The following PAQR5 variants were observed in gnomAD, a reference collection of about 807,000 sequenced individuals.
PAQR5 encodes membrane progestin receptor gamma.
Under a neutral mutation model 34.5 loss-of-function variants are expected in PAQR5, and 20 were observed. That is an observed-to-expected ratio of 0.58 (90% CI 0.41 to 0.84). PAQR5 has a LOEUF of 0.84. Ranked by LOEUF, PAQR5 falls within the 40% of genes least tolerant of loss-of-function variation. The pLI is 0.00. For missense variants in PAQR5, 378 were observed against 412.7 expected (o/e 0.92, Z 0.73); for synonymous variants, 131 against 155.6 (o/e 0.84, Z 1.18).
At chr15:69,344,862 G>A (rs1375385934) in intron 2 of PAQR5, among the ~76,000 whole-genome samples, 3 of 152,282 alleles carry the variant, frequency 2.0e-5, no homozygotes, top group Admixed American at 6.5e-5. Context: ...TTGGAAGGTC[G>A]AGGCAGGTGG....
intron 6 of PAQR5, 71 bp downstream of exon 6, chr15:69,389,851 G>A (rs923246953): frequency 6.4e-6 from 10 of 1,556,954 alleles, no homozygotes; most frequent in Non-Finnish European, 8.8e-6. Flanking sequence ...ACTCTTTGAG[G>A]GAGCCGGGGA....
rs1232278173 is a variant in PAQR5 at position 69,361,484 on chromosome 15, A to G, written c.51+1353A>G. Among the ~76,000 whole-genome samples the G allele has an allele frequency of 3.3e-5, 5 of 152,214 alleles. No individual in the cohort carries two copies. The East Asian group carries it at 7.7e-4, about 23-fold the overall frequency. On this transcript the variant is annotated intron_variant, in intron 3 of 8. Transcript: ENST00000395407. ...TGTATTAGTCCATTCTCACACTGCT[A>G]TAAAGAACTGCCTGAAACCTGGTAA...
chr15:69,322,796 A>G lies in PAQR5; in HGVS notation c.-276-14545A>G, dbSNP rs61345077. ...AGGGAGAAGAAGAAGACGAGGAAGAAGAAGAAGAGGAAGAGGAAGAAGAAG... is the reference window on the plus strand; with the variant it reads ...AGGGAGAAGAAGAAGACGAGGAAGAGGAAGAAGAGGAAGAGGAAGAAGAAG... On this transcript the variant is annotated intron_variant, in intron 1 of 8. Transcript: ENST00000395407. 6.8e-3 allele frequency among the ~76,000 whole-genome samples: 928 copies of G among 135,688 alleles called. 231 individuals are homozygous for G. Among genetic ancestry groups the G allele is most frequent in the African/African-American group, 0.02 (618 of 30,990 alleles). 89.0% of individuals were successfully genotyped at this position (135,688 alleles called of 152,430 possible).
chr15:69,349,519 A>G (rs757355834), intron 2 of PAQR5, among the ~76,000 whole-genome samples: 5 of 152,174 alleles, frequency 3.3e-5, no homozygotes, highest in Non-Finnish European at 7.3e-5. Flanking sequence ...TCTGCATGTA[A>G]TGTTCCAGTG....
chr15:69,343,888 T>C (rs930526827), intron 2 of PAQR5, among the ~76,000 whole-genome samples: 2 of 152,118 alleles, frequency 1.3e-5, no homozygotes, highest in Non-Finnish European at 2.9e-5. Flanking sequence ...CAGTGGAAGA[T>C]TCAGGCTGAG....
chr15:69,393,506 CCTCTGGGTCCT>C (rs2056327962), intron 6 of PAQR5, among the ~76,000 whole-genome samples: 1 of 148,038 alleles, frequency 6.8e-6, no homozygotes, highest in Non-Finnish European at 1.5e-5. Context: ...GAGACAATAC[CCTCTGGGTCCT>C]CTCTGGTTTG....
At chr15:69,335,389 G>T (rs929857657) in intron 1 of PAQR5, among the ~76,000 whole-genome samples, 5 of 150,384 alleles carry the variant, frequency 3.3e-5, no homozygotes, top group African/African-American at 1.2e-4. Flanking sequence ...GGGATTACAG[G>T]CATGAACCAC....
At chr15:69,346,297 A>ATTTTTTTTTTTT (rs34728909) in intron 2 of PAQR5, among the ~76,000 whole-genome samples, 3 of 81,494 alleles carry the variant, frequency 3.7e-5, no homozygotes, top group African/African-American at 5.4e-5. Flanking sequence ...ATATTTTGTA[A>ATTTTTTTTTTTT]TTTTTTTTTT....
rs34728909 is a variant in PAQR5 at position 69,346,297 on chromosome 15, A to ATTTTT, written c.-116+8818_-116+8822dup. Among the ~76,000 whole-genome samples the ATTTTT allele has an allele frequency of 3.2e-3, 262 of 81,490 alleles. 59 individuals are homozygous for ATTTTT. Among genetic ancestry groups the ATTTTT allele is most frequent in the African/African-American group, 0.012 (217 of 18,672 alleles). 53.5% of individuals were successfully genotyped at this position (81,490 alleles called of 152,430 possible). ...TGTGATTGGCCATGGATATTTTGTA[A>ATTTTT]TTTTTTTTTTTTTTTTTTTTTTTTT... On this transcript the variant is annotated intron_variant, in intron 2 of 8. Coordinates refer to ENST00000395407, the MANE Select transcript of PAQR5 (RefSeq NM_017705.4).
intron 4 of PAQR5, among the ~76,000 whole-genome samples, chr15:69,384,336 G>A (rs113491869): frequency 5.2e-5 from 7 of 135,546 alleles, no homozygotes; most frequent in African/African-American, 1.4e-4. Flanking sequence ...CGTGTTCATC[G>A]CGGAGGGTGA....
At chr15:69,333,678 A>C (rs1305769911) in intron 1 of PAQR5, among the ~76,000 whole-genome samples, 1 of 152,206 alleles carries the variant, frequency 6.6e-6, no homozygotes, top group Non-Finnish European at 1.5e-5. Flanking sequence ...GATCCAGTAT[A>C]AAATGGCACC....
intron 1 of PAQR5, among the ~76,000 whole-genome samples, chr15:69,322,470 A>T (rs1453138680): frequency 6.7e-6 from 1 of 148,518 alleles, no homozygotes; most frequent in East Asian, 2.1e-4. Flanking sequence ...CCCCGTCTCA[A>T]AAAAACCAAA....
At chr15:69,345,475 G>T (rs1424967952) in intron 2 of PAQR5, among the ~76,000 whole-genome samples, 1 of 152,142 alleles carries the variant, frequency 6.6e-6, no homozygotes, top group Non-Finnish European at 1.5e-5. Flanking sequence ...GATCTTTATG[G>T]ATGGACCCCT....
intron 2 of PAQR5, among the ~76,000 whole-genome samples, chr15:69,358,332 C>T (rs1001119486): frequency 2.0e-5 from 3 of 152,278 alleles, no homozygotes; most frequent in Non-Finnish European, 4.4e-5. Flanking sequence ...GATTTATTTG[C>T]TTGGCATGGT....
rs1283702497 is a variant in PAQR5, at chr15:69,404,845, C to A, written c.*1023C>A. The A allele has an allele frequency of 5.0e-6, 2 of 397,608 alleles. No homozygotes were observed. The highest frequency in any genetic ancestry group is 8.9e-6 in the Non-Finnish European group (2 of 225,802). 24.6% of individuals were successfully genotyped at this position (397,608 alleles called of 1,614,324 possible). A position where few individuals can be genotyped will look rare whatever the true frequency, so the allele number is the denominator to read the frequency against. ...GACAAATGCAGACTCCTAGGGAAAACCAGGGGGTTCTGCTTCACTAGGTTA... is the reference window on the plus strand; with the variant it reads ...GACAAATGCAGACTCCTAGGGAAAAACAGGGGGTTCTGCTTCACTAGGTTA... On this transcript the variant is annotated 3_prime_UTR_variant, in exon 9 of 9. Transcript: ENST00000395407.
In PAQR5 at chr15:69,387,015, G is replaced by A. The variant is rs183909611; in HGVS notation, c.385+2133G>A. ...GGCCAATTGGTTATTAAGGCCAGGT[G>A]ACTTCTCTCCTACCTGCTGTAAGCG... On this transcript the variant is annotated intron_variant, in intron 5 of 8. Transcript: ENST00000395407. Among the ~76,000 whole-genome samples, 598 of 151,482 alleles carry A rather than the reference G, an allele frequency of 3.9e-3. 5 individuals carry two copies. The highest frequency in any genetic ancestry group is 0.02 in the Middle Eastern group (6 of 294).
rs189772951 is a variant in PAQR5, at chr15:69,369,343, C to A, written c.51+9212C>A. Among the ~76,000 whole-genome samples the A allele has an allele frequency of 8.7e-4, 133 of 152,248 alleles. 2 individuals are homozygous for A. The East Asian group carries it at 0.025, about 28-fold the overall frequency. On this transcript the variant is annotated intron_variant, in intron 3 of 8. Transcript: ENST00000395407. The stretch of plus-strand genomic sequence containing the variant: ...CTGAGGTCAGGAGTTCGAAACCAGC[C>A]TGACCAACATGGTGAAACCCTGTCT...
chr15:69,348,337 T>TG (rs1189063578), intron 2 of PAQR5, among the ~76,000 whole-genome samples: 1 of 152,160 alleles, frequency 6.6e-6, no homozygotes, highest in African/African-American at 2.4e-5. Flanking sequence ...ATTTTACAAA[T>TG]GGGGAAACTG....
In PAQR5 at chr15:69,322,691, GGAAGAA is replaced by G. The variant is rs780711031; in HGVS notation, c.-276-14575_-276-14570del. Among the ~76,000 whole-genome samples the G allele has an allele frequency of 6.6e-3, 168 of 25,434 alleles. 14 individuals are homozygous for G. Among genetic ancestry groups the G allele is most frequent in the African/African-American group, 0.02 (132 of 6,638 alleles). The allele number at this position is 25,434 out of a possible 152,430, so 16.7% of individuals were successfully genotyped here. On this transcript the variant is annotated intron_variant, in intron 1 of 8. Transcript: ENST00000395407. ...AAAAAAAAGAAGAAGAAGGAGAAGA[GGAAGAA>G]GAAGAAGAAGAAGAAGAAGAAGAAG... is the stretch of plus-strand genomic sequence containing the variant.
Sources: gnomAD v4.1 joint callset for allele counts (sites outside exome capture counted in the v4.1 genomes callset) on GRCh38, gnomAD v4.1.1 for gene constraint, MANE v1.5 for transcripts, NCBI Gene and HGNC (gene_info 2026-07-23, HGNC 2026-07-21) for gene names.